Variants in TMEM117 observed in about 807,000 individuals in gnomAD.
TMEM117 encodes the protein transmembrane protein 117.
Under a neutral mutation model 52.4 loss-of-function variants are expected in TMEM117, and 27 were observed. The ratio of observed to expected loss-of-function variants is 0.51; its 90% CI spans 0.38 to 0.71. TMEM117 has a LOEUF of 0.71. Ranked by LOEUF, TMEM117 falls within the 30% of genes least tolerant of loss-of-function variation. The pLI, the probability that TMEM117 is intolerant of heterozygous loss-of-function variation, is 0.00. For synonymous variants in TMEM117, 215 were observed against 206.3 expected, an observed-to-expected ratio of 1.04 and a Z score of -0.36; for missense variants, 556 against 630.5, an observed-to-expected ratio of 0.88 and a Z score of 1.26.
At chr12:43,921,367 A>T (rs4499064) in intron 2 of TMEM117, among the ~76,000 whole-genome samples, 26,146 of 151,974 alleles carry the variant, frequency 0.17, 3,415 homozygotes, top group African/African-American at 0.36. Flanking sequence ...ACATTTTTTT[A>T]GTTAGTATCT....
Position 44,339,103 on chromosome 12 carries a change from G to T in TMEM117, c.769-37492G>T, listed in dbSNP as rs76817860. On this transcript the variant is annotated intron_variant, in intron 6 of 7. Coordinates refer to ENST00000266534, the MANE Select transcript of TMEM117 (RefSeq NM_032256.3). ...TGCTTCTCAACACCTACAAAACTAG[G>T]CATTAAACACTGGTATCTATGCTGT... 2.2e-4 allele frequency among the ~76,000 whole-genome samples: 34 copies of T among 152,042 alleles called. 1 individual carries two copies. In the East Asian group the frequency reaches 5.0e-3, roughly 23 times the overall value.
rs1332085791 is a variant in TMEM117, at chr12:44,106,651, G to T, written c.411-36874G>T. Among the ~76,000 whole-genome samples the T allele has an allele frequency of 4.6e-5, 7 of 151,668 alleles. No individual in the cohort carries two copies. In the East Asian group the frequency reaches 9.7e-4, roughly 21 times the overall value. On this transcript the variant is annotated intron_variant, in intron 3 of 7. Coordinates refer to ENST00000266534, the MANE Select transcript of TMEM117 (RefSeq NM_032256.3). ...CCATAAATATATACAAATATAATTT[G>T]TCAATTTTTAATAAAAAATTAAACA...
chr12:43,873,336 A>G (rs1943738362), intron 2 of TMEM117, among the ~76,000 whole-genome samples: 1 of 152,160 alleles, frequency 6.6e-6, no homozygotes, highest in African/African-American at 2.4e-5. Flanking sequence ...AGTATTTGAG[A>G]ATCCACTTTA....
chr12:43,811,563 C>T, the TMEM117 span, among the ~76,000 whole-genome samples: 22 of 152,290 alleles, frequency 1.4e-4, no homozygotes, highest in Non-Finnish European at 2.4e-4. Flanking sequence ...AAGTGAGGCA[C>T]CTTGTTTTAC....
chr12:44,263,397 G>T (rs756164185), intron 5 of TMEM117: 2 of 152,158 alleles, frequency 1.3e-5, no homozygotes, highest in Non-Finnish European at 2.9e-5. Flanking sequence ...TGCTTTTACA[G>T]TGTTGGTGGG....
intron 5 of TMEM117, among the ~76,000 whole-genome samples, chr12:44,282,017 C>G (rs1328238211): frequency 6.6e-6 from 1 of 152,112 alleles, no homozygotes; most frequent in African/African-American, 2.4e-5. Flanking sequence ...ATCACGGGGG[C>G]TGGTCTTTCC....
intron 6 of TMEM117, among the ~76,000 whole-genome samples, chr12:44,361,532 G>T (rs1302617649): frequency 6.6e-6 from 1 of 152,160 alleles, no homozygotes; most frequent in African/African-American, 2.4e-5. Context: ...CCAAGGCCTT[G>T]CACAGTTTCT....
intron 6 of TMEM117, among the ~76,000 whole-genome samples, chr12:44,342,640 CA>C (rs1205448518): frequency 0.16 from 13,301 of 84,490 alleles, 1,325 homozygotes; most frequent in African/African-American, 0.33. Flanking sequence ...GCTGATTAGT[CA>C]AAAAAAAAAA....
At chr12:44,256,580 A>G (rs1950262970) in intron 5 of TMEM117, among the ~76,000 whole-genome samples, 1 of 152,082 alleles carries the variant, frequency 6.6e-6, no homozygotes, top group South Asian at 2.1e-4. Flanking sequence ...ATAGATTACT[A>G]TGCATTCTTG....
intron 3 of TMEM117, among the ~76,000 whole-genome samples, chr12:44,121,247 A>C (rs1948229299): frequency 6.6e-6 from 1 of 152,242 alleles, no homozygotes; most frequent in African/African-American, 2.4e-5. Context: ...GGGAGGAGTC[A>C]CAGAGCCAAA....
At chr12:44,139,500 A>G (rs1948540952) in intron 3 of TMEM117, among the ~76,000 whole-genome samples, 1 of 151,798 alleles carries the variant, frequency 6.6e-6, no homozygotes, top group Non-Finnish European at 1.5e-5. Flanking sequence ...CACGTTTGTT[A>G]TGGATTTGAT....
At chr12:44,093,460 G>A (rs1947707740) in intron 3 of TMEM117, among the ~76,000 whole-genome samples, 1 of 152,108 alleles carries the variant, frequency 6.6e-6, no homozygotes, top group Admixed American at 6.6e-5. Flanking sequence ...GAATCACAGT[G>A]TCCAGGATCC....
At chr12:44,343,751 A>G (rs1951447866) in intron 6 of TMEM117, among the ~76,000 whole-genome samples, 1 of 152,174 alleles carries the variant, frequency 6.6e-6, no homozygotes, top group Non-Finnish European at 1.5e-5. Context: ...GTTTAAAATA[A>G]AATGTTAAAA....
chr12:44,161,574 T>C (rs1163932782), intron 4 of TMEM117, among the ~76,000 whole-genome samples: 1 of 152,212 alleles, frequency 6.6e-6, no homozygotes, highest in Non-Finnish European at 1.5e-5. Flanking sequence ...CATTTGTAAA[T>C]GCATATGTGT....
chr12:44,061,793 G>A (rs947189835), intron 3 of TMEM117, among the ~76,000 whole-genome samples: 4 of 152,064 alleles, frequency 2.6e-5, no homozygotes, highest in Non-Finnish European at 5.9e-5. Context: ...GGATAGTTGA[G>A]GTAATAAATT....
chr12:43,922,014 T>C (rs1224116396), intron 2 of TMEM117, among the ~76,000 whole-genome samples: 1 of 152,114 alleles, frequency 6.6e-6, no homozygotes, highest in Non-Finnish European at 1.5e-5. Flanking sequence ...AAAGCTTCTT[T>C]CTCCAAATTA....
intron 2 of TMEM117, among the ~76,000 whole-genome samples, chr12:43,877,332 A>G (rs1943815474): frequency 6.6e-6 from 1 of 152,184 alleles, no homozygotes; most frequent in Non-Finnish European, 1.5e-5. Flanking sequence ...AATCTATCTC[A>G]TAGAAATATA....
At chr12:44,034,432 C>G (rs1488297933) in intron 3 of TMEM117, among the ~76,000 whole-genome samples, 1 of 152,104 alleles carries the variant, frequency 6.6e-6, no homozygotes, top group Non-Finnish European at 1.5e-5. Flanking sequence ...TTGATATTAA[C>G]AGTATAAATA....
rs149969756 is a variant in TMEM117, at chr12:44,205,729, G to C, written c.511-5561G>C. Among the ~76,000 whole-genome samples, 99 of 152,232 alleles carry C rather than the reference G, an allele frequency of 6.5e-4. 2 individuals carry two copies. Among genetic ancestry groups the C allele is most frequent in the African/African-American group, 2.2e-3 (92 of 41,540 alleles). Reference sequence around the variant, plus strand: ...CACAATAAGATACCATCTCACACTAGTTAGAATGGCTATTAAAAAGAAAAA... The same window carrying C: ...CACAATAAGATACCATCTCACACTACTTAGAATGGCTATTAAAAAGAAAAA... On this transcript the variant is annotated intron_variant, in intron 4 of 7. Coordinates refer to ENST00000266534, the MANE Select transcript of TMEM117 (RefSeq NM_032256.3).
Sources: allele counts gnomAD v4.1 joint callset (sites outside exome capture counted in the v4.1 genomes callset), GRCh38; gene constraint gnomAD v4.1.1; transcripts MANE v1.5; gene names NCBI Gene and HGNC (gene_info 2026-07-23, HGNC 2026-07-21).